Variants in FAF1 observed in about 807,000 individuals in gnomAD.
FAF1 encodes the protein FAS-associated factor 1.
A neutral mutation model predicts 92.5 loss-of-function variants in FAF1; 25 were observed. That is an observed-to-expected ratio of 0.27 (90% CI 0.20 to 0.38). The LOEUF (loss-of-function observed/expected upper bound fraction) is 0.38, where lower values mean the gene tolerates loss of function less well. Ranked by LOEUF, FAF1 falls within the 10% of genes least tolerant of loss-of-function variation. The probability of loss-of-function intolerance (pLI) is 1.00; values close to 1 mark genes in which losing one functional copy is unlikely to be tolerated. For synonymous variants in FAF1, 234 were observed against 273.2 expected (o/e 0.86, Z 1.42); for missense variants, 636 against 793.3 (o/e 0.80, Z 2.38).
At chr1:50,527,007 A>G (rs1382951541) in intron 15 of FAF1, among the ~76,000 whole-genome samples, 2 of 152,040 alleles carry the variant, frequency 1.3e-5, no homozygotes, top group Non-Finnish European at 2.9e-5. Context: ...TGTGCGTGCC[A>G]CCATGCCCAG....
At chr1:50,823,242 C>T (rs1222452273) in intron 2 of FAF1, among the ~76,000 whole-genome samples, 1 of 152,084 alleles carries the variant, frequency 6.6e-6, no homozygotes, top group Non-Finnish European at 1.5e-5. Context: ...AATATAGCTG[C>T]CTACATTTTG....
intron 17 of FAF1, among the ~76,000 whole-genome samples, chr1:50,485,699 A>C (rs1406568921): frequency 2.1e-5 from 3 of 143,976 alleles, no homozygotes; most frequent in Non-Finnish European, 3.0e-5. Flanking sequence ...AAAAAAAACC[A>C]AAAAAACAAA....
chr1:50,887,894 GT>G (rs1048624427), intron 1 of FAF1, among the ~76,000 whole-genome samples: 7 of 152,180 alleles, frequency 4.6e-5, no homozygotes, highest in Non-Finnish European at 1.5e-5. Context: ...CTTTAAAGTA[GT>G]TTTCTCCAAT....
At chr1:50,447,293 T>C (rs1193016043) in intron 18 of FAF1, among the ~76,000 whole-genome samples, 1 of 151,862 alleles carries the variant, frequency 6.6e-6, no homozygotes, top group Non-Finnish European at 1.5e-5. Context: ...GCCTGGCTCA[T>C]TTTTTGTATT....
chr1:50,442,474 G>C (rs1165985318), intron 18 of FAF1, among the ~76,000 whole-genome samples: 2 of 152,180 alleles, frequency 1.3e-5, no homozygotes, highest in Admixed American at 1.3e-4. Flanking sequence ...AAAGTGTCTT[G>C]CCCAGAACAG....
chr1:50,857,268 T>C (rs923097183), intron 2 of FAF1, among the ~76,000 whole-genome samples: 1 of 151,800 alleles, frequency 6.6e-6, no homozygotes, highest in East Asian at 1.9e-4. Context: ...ATCTTAAGTT[T>C]TGACTTTTGA....
chr1:50,458,826 G>A (rs186698619), intron 18 of FAF1, among the ~76,000 whole-genome samples: 14 of 152,018 alleles, frequency 9.2e-5, no homozygotes, highest in Non-Finnish European at 1.6e-4. Flanking sequence ...TATGAATTTC[G>A]TACTATCATT....
chr1:50,865,587 A>T (rs1043682478), intron 1 of FAF1, among the ~76,000 whole-genome samples: 1 of 137,874 alleles, frequency 7.3e-6, no homozygotes, highest in South Asian at 2.6e-4. Context: ...CTATTGCAAG[A>T]ACAAAAAACC....
chr1:50,644,991 T>C (rs185214377), intron 8 of FAF1, among the ~76,000 whole-genome samples: 2 of 152,234 alleles, frequency 1.3e-5, no homozygotes, highest in African/African-American at 4.8e-5. Context: ...TTGTTCAGAA[T>C]AGAATTCATT....
intron 4 of FAF1, among the ~76,000 whole-genome samples, chr1:50,767,916 TC>T (rs1660639279): frequency 1.3e-5 from 2 of 152,198 alleles, no homozygotes; most frequent in South Asian, 4.1e-4. Flanking sequence ...CAGGTAACAA[TC>T]CGATGACTGG....
chr1:50,922,238 C>T (rs1280820703), intron 1 of FAF1, among the ~76,000 whole-genome samples: 1 of 151,472 alleles, frequency 6.6e-6, no homozygotes, highest in Non-Finnish European at 1.5e-5. Flanking sequence ...GCAGGCAGAT[C>T]ACCTGAGGTC....
intron 18 of FAF1, among the ~76,000 whole-genome samples, chr1:50,466,043 A>T (rs1057197029): frequency 9.4e-5 from 12 of 127,384 alleles, no homozygotes; most frequent in Non-Finnish European, 2.1e-4. Flanking sequence ...TGCCTTATTA[A>T]AAAAAAATCG....
chr1:50,639,660 G>A (rs1463114960), intron 8 of FAF1, among the ~76,000 whole-genome samples: 1 of 151,856 alleles, frequency 6.6e-6, no homozygotes. Context: ...CTTTGGCTGG[G>A]CGCGGTGGCT....
chr1:50,939,858 T>C (rs1645116618), intron 1 of FAF1, among the ~76,000 whole-genome samples: 1 of 152,226 alleles, frequency 6.6e-6, no homozygotes, highest in Non-Finnish European at 1.5e-5. Context: ...AAATTCTAGA[T>C]ATATCATTTC....
intron 14 of FAF1, among the ~76,000 whole-genome samples, chr1:50,538,711 T>C (rs1166804444): frequency 6.6e-6 from 1 of 152,190 alleles, no homozygotes; most frequent in Non-Finnish European, 1.5e-5. Flanking sequence ...TGAAGTGTTA[T>C]CTTCATTATC....
At chr1:50,762,265 C>G (rs1454058849) in intron 4 of FAF1, among the ~76,000 whole-genome samples, 15 of 152,224 alleles carry the variant, frequency 9.9e-5, no homozygotes, top group East Asian at 1.9e-4. Flanking sequence ...CCATACTGCC[C>G]AATATAATTT....
intron 4 of FAF1, among the ~76,000 whole-genome samples, chr1:50,751,025 TATTTACTATACTAATATGGGGA>T (rs1221589095): frequency 2.0e-5 from 3 of 150,364 alleles, no homozygotes; most frequent in Non-Finnish European, 4.4e-5. Context: ...TGCTTTTTCT[TATTTACTATACTAATATGGGGA>T]TGTACAGTGA....
chr1:50,646,040 T>C (rs559252614), intron 8 of FAF1, among the ~76,000 whole-genome samples: 3 of 152,204 alleles, frequency 2.0e-5, no homozygotes, highest in Non-Finnish European at 4.4e-5. Flanking sequence ...CAACTTCATA[T>C]GGTCCCACCT....
intron 8 of FAF1, among the ~76,000 whole-genome samples, chr1:50,633,847 T>C (rs1653896359): frequency 6.6e-6 from 1 of 152,248 alleles, no homozygotes; most frequent in South Asian, 2.1e-4. Flanking sequence ...AAGCTGTCTG[T>C]AATTTTATCT....
Sources: gnomAD v4.1 joint callset for allele counts (sites outside exome capture counted in the v4.1 genomes callset) on GRCh38, gnomAD v4.1.1 for gene constraint, MANE v1.5 for transcripts, NCBI Gene and HGNC (gene_info 2026-07-23, HGNC 2026-07-21) for gene names.